DOCK5: variants seen among roughly 807,000 people sequenced by gnomAD.
The protein encoded by DOCK5 is dedicator of cytokinesis 5, also known as dedicator of cytokinesis protein 5.
A neutral mutation model predicts 251.8 loss-of-function variants in DOCK5; 142 were observed. That is an observed-to-expected ratio of 0.56 (90% CI 0.49 to 0.65). DOCK5 has a LOEUF of 0.65. DOCK5 is among the 30% of genes least tolerant of loss of function. The pLI, the probability that DOCK5 is intolerant of heterozygous loss-of-function variation, is 0.00. For synonymous variants in DOCK5, 842 were observed against 835.5 expected (o/e 1.01, Z -0.13); for missense variants, 2,111 against 2,312.3 (o/e 0.91, Z 1.79).
In DOCK5 at chr8:25,298,961, C is replaced by G. The variant is rs763754175; in HGVS notation, c.624C>G (p.Leu208=). Reference sequence around the variant, plus strand: ...TTGTTCAGTCAATCCTGCAGAACCTCGATTTGCGGGGCCAGTCCATCTTCA... The same window carrying G: ...TTGTTCAGTCAATCCTGCAGAACCTGGATTTGCGGGGCCAGTCCATCTTCA... ...IQEEKSILQN[L]DLRGQSIFST... is the part of the protein sequence containing the mutation. The change falls in exon 8 of 52, where the codon CTC becomes CTG. Residue 208 remains leucine (L), a synonymous_variant. Coordinates refer to ENST00000276440, the MANE Select transcript of DOCK5 (RefSeq NM_024940.8). 4.6e-5 allele frequency: 74 copies of G among 1,612,164 alleles called. No homozygotes were observed. The highest frequency in any genetic ancestry group is 6.2e-5 in the Non-Finnish European group (73 of 1,179,348).
At chr8:25,408,232 C>A in intron 49 of DOCK5, 78 bp downstream of exon 49, 1 of 1,427,690 alleles carries the variant, frequency 7.0e-7, no homozygotes, top group Non-Finnish European at 9.4e-7. Flanking sequence ...ATCACCATCC[C>A]CTCCCAGATT....
intron 1 of DOCK5, among the ~76,000 whole-genome samples, chr8:25,192,183 T>C (rs1430325711): frequency 7.8e-6 from 1 of 128,170 alleles, no homozygotes; most frequent in Non-Finnish European, 1.7e-5. Context: ...GATGGACATT[T>C]GGGTTGGTTC....
intron 33 of DOCK5, 46 bp from the exon 34 acceptor site, chr8:25,369,510 T>C: frequency 6.5e-7 from 1 of 1,549,806 alleles, no homozygotes; most frequent in Non-Finnish European, 8.8e-7. Flanking sequence ...CATGTCTTCT[T>C]CTAAGGATGC....
chr8:25,237,773 G>A (rs529035799), intron 1 of DOCK5, among the ~76,000 whole-genome samples: 4 of 152,230 alleles, frequency 2.6e-5, no homozygotes, highest in Admixed American at 6.5e-5. Context: ...GGTGCCTGCC[G>A]GTTCAAAAAT....
chr8:25,287,193 G>A (rs188091965), intron 5 of DOCK5, among the ~76,000 whole-genome samples: 53 of 152,340 alleles, frequency 3.5e-4, no homozygotes, highest in Non-Finnish European at 5.3e-4. Flanking sequence ...TCGGGAGGCC[G>A]AGGTGGGAGG....
In DOCK5 at chr8:25,219,706, G is replaced by GT. The variant is rs35000316; in HGVS notation, c.44-23956dup. On this transcript the variant is annotated intron_variant, in intron 1 of 51. Transcript: ENST00000276440. ...TAGTCTGTTGTCCTCTGGGGTCCGT[G>GT]TTTTTTTTTTTTGAGACGTTCACAA... is the stretch of plus-strand genomic sequence containing the variant. 7.0e-3 allele frequency among the ~76,000 whole-genome samples: 1,013 copies of GT among 144,956 alleles called. 6 individuals are homozygous for GT. Among genetic ancestry groups the GT allele is most frequent in the African/African-American group, 0.014 (568 of 39,806 alleles).
rs1218861439 is a variant in DOCK5, at chr8:25,292,016, CATCTT to C, written c.322-6_322-2del. On this transcript the variant is annotated splice_region_variant and splice_polypyrimidine_tract_variant and intron_variant, in intron 5 of 51. Coordinates refer to ENST00000276440, the MANE Select transcript of DOCK5 (RefSeq NM_024940.8). ...GAATCTTTTCTTCATCATATTTTCT[CATCTT>C]AGAACAACAAGCTCACCCTCTTCCG... 3.2e-6 allele frequency: 5 copies of C among 1,556,246 alleles called. No homozygotes were observed. The highest frequency in any genetic ancestry group is 4.3e-6 in the Non-Finnish European group (5 of 1,152,100).
At chr8:25,398,740 A>T (rs1360067789) in intron 45 of DOCK5, among the ~76,000 whole-genome samples, 1 of 152,112 alleles carries the variant, frequency 6.6e-6, no homozygotes, top group Non-Finnish European at 1.5e-5. Context: ...TTATAAGGAC[A>T]CCAGTCATAT....
chr8:25,282,775 G>A (rs538115899), intron 5 of DOCK5, among the ~76,000 whole-genome samples: 6 of 145,634 alleles, frequency 4.1e-5, no homozygotes, highest in Non-Finnish European at 7.5e-5. Context: ...GCTTGAGCTC[G>A]GGTGGTTGAA....
intron 4 of DOCK5, 47 bp downstream of exon 4, chr8:25,275,488 C>T (rs756554209): frequency 6.6e-7 from 1 of 1,524,990 alleles, no homozygotes; most frequent in South Asian, 1.2e-5. Context: ...GAAGATGTAA[C>T]ATTATCATTA....
chr8:25,239,341 ATG>A (rs55869213), intron 1 of DOCK5, among the ~76,000 whole-genome samples: 6,140 of 142,150 alleles, frequency 0.043, 158 homozygotes, highest in Non-Finnish European at 0.061. Flanking sequence ...GTGTGTGTGT[ATG>A]TGTGTGTGTG....
At chr8:25,243,876 A>T in intron 2 of DOCK5, 119 bp downstream of exon 2, 1 of 971,156 alleles carries the variant, frequency 1.0e-6, no homozygotes, top group Non-Finnish European at 1.5e-6. Flanking sequence ...GTGCTAGTAA[A>T]AATTCAGGAA....
chr8:25,350,826 A>G (rs1800453651), intron 26 of DOCK5, among the ~76,000 whole-genome samples: 1 of 152,154 alleles, frequency 6.6e-6, no homozygotes, highest in Non-Finnish European at 1.5e-5. Context: ...TCATGACCTC[A>G]TCTAACCTTC....
chr8:25,305,307 A>AG (rs56831731), intron 11 of DOCK5: 3 of 151,690 alleles, frequency 2.0e-5, no homozygotes, highest in Non-Finnish European at 2.9e-5. Context: ...AAAAAAAAAA[A>AG]GGTTTTTGGA....
chr8:25,334,921 T>C (rs1392379130), intron 21 of DOCK5, among the ~76,000 whole-genome samples: 1 of 152,150 alleles, frequency 6.6e-6, no homozygotes, highest in Non-Finnish European at 1.5e-5. Context: ...ATGAGAAGAT[T>C]TCGTTTTCCC....
chr8:25,322,658 A>G (rs80305341), intron 16 of DOCK5, among the ~76,000 whole-genome samples: 309 of 152,374 alleles, frequency 2.0e-3, no homozygotes, highest in Non-Finnish European at 3.2e-3. Flanking sequence ...AGTATCCACA[A>G]TAATATAACA....
Position 25,368,743 on chromosome 8 carries a change from G to T in DOCK5, c.3438+18G>T. On this transcript the variant is annotated intron_variant, in intron 33 of 51. Transcript: ENST00000276440. Reference sequence around the variant, plus strand: ...TCCATATGGTAAGAAGTGGCAGACCGCGTAATATTAGTAAATGGACATATA... The same window carrying T: ...TCCATATGGTAAGAAGTGGCAGACCTCGTAATATTAGTAAATGGACATATA... 1 of 1,606,956 alleles carries T rather than the reference G, an allele frequency of 6.2e-7. No homozygotes were observed. The highest frequency in any genetic ancestry group is 1.1e-5 in the South Asian group (1 of 89,798).
At chr8:25,246,317 C>T (rs1170581038) in intron 2 of DOCK5, among the ~76,000 whole-genome samples, 6 of 152,100 alleles carry the variant, frequency 3.9e-5, no homozygotes, top group Non-Finnish European at 8.8e-5. Flanking sequence ...CTCTGTCGCC[C>T]AGGTGGAGTG....
chr8:25,400,249 A>C (rs577073403), intron 46 of DOCK5, among the ~76,000 whole-genome samples: 78 of 152,266 alleles, frequency 5.1e-4, no homozygotes, highest in African/African-American at 1.6e-3. Flanking sequence ...CTGTAATCCC[A>C]GCACTTTGGG....
Sources: gnomAD v4.1 joint callset for allele counts (sites outside exome capture counted in the v4.1 genomes callset) on GRCh38, gnomAD v4.1.1 for gene constraint, MANE v1.5 for transcripts, NCBI Gene and HGNC (gene_info 2026-07-23, HGNC 2026-07-21) for gene names.